Variants in LCLAT1 observed in about 807,000 individuals in gnomAD.
The protein encoded by LCLAT1 is lysocardiolipin acyltransferase 1, also known as 1-AGP acyltransferase 8.
Under a neutral mutation model 30.7 loss-of-function variants are expected in LCLAT1, and 11 were observed. The ratio of observed to expected loss-of-function variants is 0.36; its 90% CI spans 0.23 to 0.59. LCLAT1 has a LOEUF of 0.59. Ranked by LOEUF, LCLAT1 falls within the 20% of genes least tolerant of loss-of-function variation. LCLAT1 has a pLI of 0.77. For missense variants in LCLAT1, 402 were observed against 458.6 expected, an observed-to-expected ratio of 0.88 and a Z score of 1.13; for synonymous variants, 155 against 151.3, an observed-to-expected ratio of 1.02 and a Z score of -0.18.
chr2:30,533,528 G>A (rs1160856033), intron 3 of LCLAT1, among the ~76,000 whole-genome samples: 1 of 152,138 alleles, frequency 6.6e-6, no homozygotes, highest in Non-Finnish European at 1.5e-5. Flanking sequence ...AAAATAAACT[G>A]TTCTCAAGGA....
chr2:30,633,077 GAC>G (rs1199341654), intron 5 of LCLAT1, among the ~76,000 whole-genome samples: 1 of 152,154 alleles, frequency 6.6e-6, no homozygotes, highest in Non-Finnish European at 1.5e-5. Flanking sequence ...AAAATGTACT[GAC>G]TAGTGCCAAT....
chr2:30,450,989 GTGTT>G (rs1027055267), intron 1 of LCLAT1, among the ~76,000 whole-genome samples: 3 of 152,086 alleles, frequency 2.0e-5, no homozygotes, highest in Admixed American at 6.6e-5. Flanking sequence ...CCGTGTGTGT[GTGTT>G]TATTTGTGTG....
At chr2:30,542,287 C>T (rs1452141408) in intron 3 of LCLAT1, among the ~76,000 whole-genome samples, 1 of 151,958 alleles carries the variant, frequency 6.6e-6, no homozygotes, top group African/African-American at 2.4e-5. Context: ...AAATATTTTC[C>T]CCTCCCAAGA....
At chr2:30,460,430 A>T (rs181196586) in intron 1 of LCLAT1, among the ~76,000 whole-genome samples, 4 of 151,976 alleles carry the variant, frequency 2.6e-5, no homozygotes, top group African/African-American at 9.7e-5. Context: ...GCCTTTTTCT[A>T]TTGCTGCTGC....
intron 1 of LCLAT1, among the ~76,000 whole-genome samples, chr2:30,505,993 A>G (rs1298721159): frequency 6.6e-6 from 1 of 152,100 alleles, no homozygotes; most frequent in Non-Finnish European, 1.5e-5. Context: ...GGGAATTACC[A>G]GGCTTGTTTA....
chr2:30,585,983 G>C (rs1343517895), intron 5 of LCLAT1, among the ~76,000 whole-genome samples: 2 of 152,076 alleles, frequency 1.3e-5, no homozygotes, highest in African/African-American at 4.8e-5. Flanking sequence ...CGGGCGTGGT[G>C]GCTCACGCCT....
chr2:30,612,822 T>C (rs1249590464), intron 5 of LCLAT1, among the ~76,000 whole-genome samples: 1 of 152,152 alleles, frequency 6.6e-6, no homozygotes, highest in Non-Finnish European at 1.5e-5. Context: ...AGACAGAAGC[T>C]CAGCTCAGTT....
intron 3 of LCLAT1, among the ~76,000 whole-genome samples, chr2:30,534,270 TGTGTTTGG>T (rs1209120764): frequency 2.1e-5 from 2 of 93,604 alleles, no homozygotes; most frequent in African/African-American, 8.4e-5. Flanking sequence ...TGTGTGTGTG[TGTGTTTGG>T]GAGACGGAGT....
chr2:30,598,467 T>C (rs1388782582), intron 5 of LCLAT1, among the ~76,000 whole-genome samples: 1 of 151,826 alleles, frequency 6.6e-6, no homozygotes, highest in African/African-American at 2.4e-5. Flanking sequence ...TGATGGTCGT[T>C]TGTATTTCAG....
chr2:30,534,423 G>A (rs1197352986), intron 3 of LCLAT1, among the ~76,000 whole-genome samples: 3 of 152,040 alleles, frequency 2.0e-5, no homozygotes, highest in Non-Finnish European at 2.9e-5. Context: ...GACCACAGGC[G>A]CCAGCCACCA....
intron 1 of LCLAT1, among the ~76,000 whole-genome samples, chr2:30,521,996 A>G (rs1267270297): frequency 7.9e-5 from 12 of 152,208 alleles, no homozygotes; most frequent in Admixed American, 7.2e-4. Flanking sequence ...AGCATAATAC[A>G]TTTGAGATTA....
intron 3 of LCLAT1, among the ~76,000 whole-genome samples, chr2:30,542,792 G>A (rs1198694270): frequency 6.6e-6 from 1 of 151,778 alleles, no homozygotes; most frequent in East Asian, 1.9e-4. Context: ...CTTTCCAATT[G>A]TTTGCTGCCA....
In LCLAT1 at chr2:30,571,797, T is replaced by C. The variant is rs6743456; in HGVS notation, c.628+3621T>C. ...AGACCTTCCGTTATGTTAAATAAGA[T>C]GTGGTTGTACAGTAGACTTTTGACA... is the stretch of plus-strand genomic sequence containing the variant. On this transcript the variant is annotated intron_variant, in intron 5 of 5. Transcript: ENST00000379509. Among the ~76,000 whole-genome samples the C allele has an allele frequency of 7.6e-3, 1,156 of 152,342 alleles. 13 individuals are homozygous for C. The highest frequency in any genetic ancestry group is 0.026 in the African/African-American group (1,095 of 41,582).
intron 1 of LCLAT1, among the ~76,000 whole-genome samples, chr2:30,510,783 T>C (rs1684904329): frequency 6.6e-6 from 1 of 152,114 alleles, no homozygotes; most frequent in South Asian, 2.1e-4. Context: ...GCTGGGCTTT[T>C]TGGGAGATTT....
chr2:30,582,211 G>GC (rs1243356382), intron 5 of LCLAT1, among the ~76,000 whole-genome samples: 1 of 78,946 alleles, frequency 1.3e-5, no homozygotes, highest in East Asian at 2.7e-4. Context: ...CCCTGCCCCT[G>GC]CCCCCCTCCC....
At chr2:30,545,898 G>C (rs1468169185) in intron 3 of LCLAT1, among the ~76,000 whole-genome samples, 1 of 152,112 alleles carries the variant, frequency 6.6e-6, no homozygotes, top group African/African-American at 2.4e-5. Context: ...CTTTTAGAAA[G>C]CATGAAAAGG....
At chr2:30,510,683 A>G (rs558090278) in intron 1 of LCLAT1, among the ~76,000 whole-genome samples, 57 of 150,086 alleles carry the variant, frequency 3.8e-4, no homozygotes, top group African/African-American at 1.3e-3. Flanking sequence ...ATTTCTCACA[A>G]CTCTTTTTGG....
chr2:30,605,025 A>AC (rs1572687214), intron 5 of LCLAT1, among the ~76,000 whole-genome samples: 1 of 152,362 alleles, frequency 6.6e-6, no homozygotes, highest in East Asian at 1.9e-4. Context: ...CATTACATGG[A>AC]CCTGTAACAC....
At chr2:30,585,186 T>C (rs752620215) in intron 5 of LCLAT1, among the ~76,000 whole-genome samples, 10 of 152,130 alleles carry the variant, frequency 6.6e-5, no homozygotes, top group Non-Finnish European at 1.2e-4. Flanking sequence ...TCTTCCTTGT[T>C]TCCCTCTCAA....
Sources: allele counts gnomAD v4.1 joint callset (sites outside exome capture counted in the v4.1 genomes callset), GRCh38; gene constraint gnomAD v4.1.1; transcripts MANE v1.5; gene names NCBI Gene and HGNC (gene_info 2026-07-23, HGNC 2026-07-21).